TIGAR: variants seen among roughly 807,000 people sequenced by gnomAD.
The protein encoded by TIGAR is TP53 induced glycolysis regulatory phosphatase.
In TIGAR, 7 loss-of-function variants were observed where a neutral mutation model predicts 17.9. That is an observed-to-expected ratio of 0.39 (90% CI 0.22 to 0.73). The LOEUF is 0.73. Among genes scored for constraint, TIGAR ranks in the 30% least tolerant of loss-of-function variants. The pLI is 0.42. For missense variants in TIGAR, 258 were observed against 327.4 expected, an observed-to-expected ratio of 0.79 and a Z score of 1.64; for synonymous variants, 94 against 108.6, an observed-to-expected ratio of 0.87 and a Z score of 0.84.
rs1203896953 is a variant in TIGAR, at chr12:4,358,058, C to T, written c.*5367C>T. Among the ~76,000 whole-genome samples the T allele has an allele frequency of 1.4e-4, 21 of 148,578 alleles. No individual in the cohort carries two copies. The highest frequency in any genetic ancestry group is 1.3e-4 in the Non-Finnish European group (9 of 67,552). On this transcript the variant is annotated 3_prime_UTR_variant, in exon 6 of 6. Coordinates refer to ENST00000179259, the MANE Select transcript of TIGAR (RefSeq NM_020375.3). ...GGTGGAGCTTGCAGTGAGCCAAGGT[C>T]GCGCCACTGCACTGCAGCCTGGGTG...
rs1171480417 is a variant in TIGAR at position 4,355,610 on chromosome 12, A to G, written c.*2919A>G. Among the ~76,000 whole-genome samples the G allele has an allele frequency of 6.6e-6, 1 of 152,252 alleles. No individual in the cohort carries two copies. The highest frequency in any genetic ancestry group is 1.5e-5 in the Non-Finnish European group (1 of 68,046). The stretch of plus-strand genomic sequence containing the variant: ...AATACGTATTTTTTGAGCATGGCAC[A>G]CACATGCCAGGCTATTTTAAGAACT... On this transcript the variant is annotated 3_prime_UTR_variant, in exon 6 of 6. Transcript: ENST00000179259.
Position 4,356,598 on chromosome 12 carries a change from A to C in TIGAR, c.*3907A>C, listed in dbSNP as rs1864905208. ...CACTGACATATCCACATCACCTGAAACCCATAGTTTACATTAGGGTTCATT... is the reference window on the plus strand; with the variant it reads ...CACTGACATATCCACATCACCTGAACCCCATAGTTTACATTAGGGTTCATT... On this transcript the variant is annotated 3_prime_UTR_variant, in exon 6 of 6. Coordinates refer to ENST00000179259, the MANE Select transcript of TIGAR (RefSeq NM_020375.3). Among the ~76,000 whole-genome samples the C allele has an allele frequency of 1.3e-5, 2 of 151,884 alleles. No individual in the cohort carries two copies.
chr12:4,338,797 G>C (rs541180578), intron 3 of TIGAR, among the ~76,000 whole-genome samples: 2 of 152,074 alleles, frequency 1.3e-5, no homozygotes, highest in East Asian at 3.9e-4. Flanking sequence ...GGGCAATACG[G>C]TGAAACACCG....
rs1016427124 is a variant in TIGAR at position 4,356,072 on chromosome 12, C to G, written c.*3381C>G. Among the ~76,000 whole-genome samples the G allele has an allele frequency of 1.3e-5, 2 of 152,162 alleles. No individual in the cohort carries two copies. The highest frequency in any genetic ancestry group is 2.4e-5 in the African/African-American group (1 of 41,434). ...TGGCCAGTTTGGGCAGTGATGTGAT[C>G]AGACTTGTTTCAGCAGGACCATCCT... is the stretch of plus-strand genomic sequence containing the variant. On this transcript the variant is annotated 3_prime_UTR_variant, in exon 6 of 6. Transcript: ENST00000179259.
At chr12:4,325,888 TACACTAAAGA>T (rs1864541831) in intron 1 of TIGAR, among the ~76,000 whole-genome samples, 1 of 152,250 alleles carries the variant, frequency 6.6e-6, no homozygotes, top group African/African-American at 2.4e-5. Flanking sequence ...CATTTTCATT[TACACTAAAGA>T]ACAGCTTTCC....
chr12:4,337,331 A>G (rs141058759), intron 3 of TIGAR, among the ~76,000 whole-genome samples, 171 bp downstream of exon 3: 164 of 152,174 alleles, frequency 1.1e-3, no homozygotes, highest in African/African-American at 3.8e-3. Flanking sequence ...ACACCTAGCT[A>G]ATTTTTGTAT....
chr12:4,351,649 G>A (rs1864839368), intron 5 of TIGAR, among the ~76,000 whole-genome samples: 1 of 152,154 alleles, frequency 6.6e-6, no homozygotes, highest in Non-Finnish European at 1.5e-5. Flanking sequence ...AGTGGTGGGA[G>A]TGGAGTTCAA....
intron 1 of TIGAR, chr12:4,324,781 A>C: frequency 1.5e-6 from 1 of 654,212 alleles, no homozygotes; most frequent in Non-Finnish European, 2.8e-6. Context: ...AGTTTGCGGA[A>C]GGTCCGCTTC....
intron 1 of TIGAR, among the ~76,000 whole-genome samples, chr12:4,325,851 G>C (rs545642334): frequency 6.6e-6 from 1 of 151,944 alleles, no homozygotes; most frequent in Non-Finnish European, 1.5e-5. Context: ...GGACTAAGCT[G>C]TATTCGTGAT....
In TIGAR at chr12:4,358,248, C is replaced by G. The variant is rs1315792773; in HGVS notation, c.*5557C>G. 6.7e-6 allele frequency among the ~76,000 whole-genome samples: 1 copy of G among 149,650 alleles called. No individual in the cohort carries two copies. The stretch of plus-strand genomic sequence containing the variant: ...CCAGCCTGGCCAACATGGTGAAACC[C>G]TGTCTTTACTAAAAATACAAAAATT... On this transcript the variant is annotated 3_prime_UTR_variant, in exon 6 of 6. Coordinates refer to ENST00000179259, the MANE Select transcript of TIGAR (RefSeq NM_020375.3).
At chr12:4,328,963 T>C (rs1565445908) in intron 1 of TIGAR, among the ~76,000 whole-genome samples, 1 of 152,236 alleles carries the variant, frequency 6.6e-6, no homozygotes, top group East Asian at 1.9e-4. Context: ...TTCTCCGTAG[T>C]CTTCCTATTC....
rs1253386061 is a variant in TIGAR at position 4,349,820 on chromosome 12, CCATG to C, written c.199_202del (p.His67GlufsTer12). ...AGAAACAATTGTCTTGATTTTCAGA[CCATG>C]CATGGAATTTTGGAGAGAAGCAAAT... is the stretch of plus-strand genomic sequence containing the variant. On this transcript the variant is annotated frameshift_variant and splice_region_variant, in exon 4 of 6. Transcript: ENST00000179259. LOFTEE classifies it high-confidence loss of function. The C allele has an allele frequency of 3.8e-6, 6 of 1,578,832 alleles. No homozygotes were observed.
chr12:4,325,575 T>C (rs1260199765), intron 1 of TIGAR, among the ~76,000 whole-genome samples: 2 of 151,742 alleles, frequency 1.3e-5, no homozygotes, highest in African/African-American at 2.4e-5. Context: ...ACCCCGTCTC[T>C]ACTAAAAATA....
At chr12:4,341,331 G>A (rs1261888624) in intron 3 of TIGAR, among the ~76,000 whole-genome samples, 1 of 152,216 alleles carries the variant, frequency 6.6e-6, no homozygotes, top group Non-Finnish European at 1.5e-5. Context: ...GCAGCTCCCA[G>A]CGTGAGCGAC....
At chr12:4,333,116 A>G (rs4238019) in intron 2 of TIGAR, among the ~76,000 whole-genome samples, 50,869 of 152,004 alleles carry the variant, frequency 0.33, 8,625 homozygotes, top group Middle Eastern at 0.51. Flanking sequence ...CTTTTGTCAT[A>G]AAGTCTTATT....
rs184105943 is a variant in TIGAR at position 4,357,840 on chromosome 12, G to A, written c.*5149G>A. Among the ~76,000 whole-genome samples the A allele has an allele frequency of 5.3e-4, 80 of 150,582 alleles. No homozygotes were observed. The East Asian group carries it at 7.0e-3, about 13-fold the overall frequency. On this transcript the variant is annotated 3_prime_UTR_variant, in exon 6 of 6. Transcript: ENST00000179259. The stretch of plus-strand genomic sequence containing the variant: ...CTGAGGTGGCTGGGCGTGGTGGCTC[G>A]CACCTGTAATCCCAGCACTTTGGGA...
chr12:4,325,616 C>T (rs1864537615), intron 1 of TIGAR, among the ~76,000 whole-genome samples: 1 of 151,954 alleles, frequency 6.6e-6, no homozygotes, highest in Admixed American at 6.6e-5. Context: ...GTGGCACTCG[C>T]CTGTAATCCC....
At position 4,352,660 on chromosome 12, in the gene TIGAR, A is replaced by T; in HGVS notation, c.782A>T (p.Asp261Val). The change falls in exon 6 of 6, where the codon GAT becomes GTT. Residue 261 changes from aspartate to valine, a missense_variant. Asp to Val is a radical substitution (Grantham distance 152). Transcript: ENST00000179259. ...CAGTGTATTTGTATGAACCTACAGG[A>T]TCATCTAAATGGACTGACTGAAACT... ...TVQCICMNLQ[D>V]HLNGLTETR 6.2e-7 allele frequency: 1 copy of T among 1,603,026 alleles called. No individual in the cohort carries two copies. Among genetic ancestry groups the T allele is most frequent in the Non-Finnish European group, 8.5e-7 (1 of 1,179,910 alleles).
rs1467440157 is a variant in TIGAR at position 4,326,627 on chromosome 12, G to T, written c.33-4653G>T. On this transcript the variant is annotated intron_variant, in intron 1 of 5. Coordinates refer to ENST00000179259, the MANE Select transcript of TIGAR (RefSeq NM_020375.3). ...ATGAGTCCTTCATTATATCACAGTG[G>T]TTATGCTGCTTTCACTGAAAATCGT... Among the ~76,000 whole-genome samples the T allele has an allele frequency of 2.0e-5, 3 of 152,180 alleles. No homozygotes were observed. In the East Asian group the frequency reaches 5.8e-4, roughly 29 times the overall value.
Sources: gnomAD v4.1 joint callset for allele counts (sites outside exome capture counted in the v4.1 genomes callset) on GRCh38, gnomAD v4.1.1 for gene constraint, MANE v1.5 for transcripts, NCBI Gene and HGNC (gene_info 2026-07-23, HGNC 2026-07-21) for gene names.